WASF1: variants seen among roughly 807,000 people sequenced by gnomAD.
The protein encoded by WASF1 is actin-binding protein WASF1.
A neutral mutation model predicts 50.5 loss-of-function variants in WASF1; 7 were observed. That is an observed-to-expected ratio of 0.14 (90% CI 0.08 to 0.26). The LOEUF (loss-of-function observed/expected upper bound fraction) is 0.26. Ranked by LOEUF, WASF1 falls within the 10% of genes least tolerant of loss-of-function variation. WASF1 has a pLI of 1.00. For missense variants in WASF1, 470 were observed against 694.7 expected (o/e 0.68, Z 3.64); for synonymous variants, 205 against 244.0 (o/e 0.84, Z 1.49).
At chr6:110,115,862 C>T (rs781026197) in intron 4 of WASF1, among the ~76,000 whole-genome samples, 1 of 152,042 alleles carries the variant, frequency 6.6e-6, no homozygotes, top group Non-Finnish European at 1.5e-5. Context: ...TTTAACAGTG[C>T]CAGTCAAGGA....
Position 110,101,706 on chromosome 6 carries a change from T to C in WASF1, c.1404A>G (p.Pro468=). ...GTGATGGAGGAGATGGAGGCATTAA[T>C]GGAACATGGGGACCTGGGGCAGTAG... ...TPSTAPGPHV[P]LMPPSPPSQV... is the part of the protein sequence containing the mutation. The change falls in exon 10 of 11, where the codon CCA becomes CCG. Residue 468 remains proline (P), a synonymous_variant. Coordinates refer to ENST00000392589, the MANE Select transcript of WASF1 (RefSeq NM_003931.3). 6.2e-7 allele frequency: 1 copy of C among 1,614,112 alleles called. No homozygotes were observed. The highest frequency in any genetic ancestry group is 8.5e-7 in the Non-Finnish European group (1 of 1,180,004).
intron 3 of WASF1, among the ~76,000 whole-genome samples, chr6:110,159,265 T>C (rs1028642457): frequency 1.3e-5 from 2 of 151,876 alleles, no homozygotes; most frequent in African/African-American, 2.4e-5. Context: ...CACAGGTTAG[T>C]AGCTAGAGTC....
In WASF1 at chr6:110,103,422, T is replaced by C. The variant is rs780716041; in HGVS notation, c.849A>G (p.Pro283=). The C allele has an allele frequency of 3.1e-6, 5 of 1,613,996 alleles. No homozygotes were observed. In the East Asian group the frequency reaches 8.9e-5, roughly 29 times the overall value. ...GTTTTGCATCTCCTGCTCCATGCAT[T>C]GGTGGAGGTGGAGGTGGTTCATGTG... ...VRPHEPPPPP[P]MHGAGDAKPI... is the part of the protein sequence containing the mutation. Residue 283 remains proline (P), a synonymous_variant, in exon 9 of 11, where the codon CCA becomes CCG. Transcript: ENST00000392589.
At chr6:110,114,080 C>T (rs1282025741) in intron 4 of WASF1, among the ~76,000 whole-genome samples, 4 of 152,106 alleles carry the variant, frequency 2.6e-5, no homozygotes, top group African/African-American at 9.7e-5. Flanking sequence ...TATAGCCACC[C>T]TCTGTTGATA....
intron 4 of WASF1, among the ~76,000 whole-genome samples, chr6:110,122,496 C>T (rs903532115): frequency 1.2e-4 from 19 of 152,200 alleles, no homozygotes; most frequent in African/African-American, 4.6e-4. Context: ...GTGTGCCCAC[C>T]TCTACTACTT....
chr6:110,103,730 G>A (rs942986211), intron 8 of WASF1, among the ~76,000 whole-genome samples, 173 bp from the exon 9 acceptor site: 1 of 152,092 alleles, frequency 6.6e-6, no homozygotes, highest in Non-Finnish European at 1.5e-5. Context: ...AAAGAATGCT[G>A]CTCACAATAT....
intron 3 of WASF1, among the ~76,000 whole-genome samples, chr6:110,146,830 T>A (rs1775585702): frequency 6.6e-6 from 1 of 152,154 alleles, no homozygotes; most frequent in Non-Finnish European, 1.5e-5. Context: ...ATAAATTTCC[T>A]CTTTGTTGTG....
intron 4 of WASF1, among the ~76,000 whole-genome samples, chr6:110,116,926 C>A (rs544595200): frequency 4.1e-4 from 62 of 152,088 alleles, no homozygotes; most frequent in Non-Finnish European, 8.2e-4. Context: ...TCCAACAGAC[C>A]TGTAGCTGAG....
intron 3 of WASF1, among the ~76,000 whole-genome samples, chr6:110,131,305 T>C (rs1774657604): frequency 6.6e-6 from 1 of 152,222 alleles, no homozygotes. Context: ...GTAACTGATG[T>C]GGAATTAATT....
chr6:110,103,796 T>A (rs201576618), intron 8 of WASF1, among the ~76,000 whole-genome samples: 11,099 of 152,282 alleles, frequency 0.073, 540 homozygotes, highest in African/African-American at 0.14. Flanking sequence ...TATTTTATTA[T>A]TTTATAACAG....
chr6:110,107,053 CA>C (rs763073986), intron 7 of WASF1, 23 bp downstream of exon 7: 1 of 1,517,812 alleles, frequency 6.6e-7, no homozygotes, highest in African/African-American at 1.4e-5. Flanking sequence ...AAATTAACCT[CA>C]ATTTTTTAAT....
At chr6:110,140,303 G>GC (rs1445264495) in intron 3 of WASF1, among the ~76,000 whole-genome samples, 1 of 152,188 alleles carries the variant, frequency 6.6e-6, no homozygotes, top group Non-Finnish European at 1.5e-5. Flanking sequence ...GATGCTCTAT[G>GC]CCCCTTCCCC....
intron 2 of WASF1, among the ~76,000 whole-genome samples, chr6:110,168,729 A>C (rs966215240): frequency 1.3e-5 from 2 of 152,082 alleles, no homozygotes; most frequent in Non-Finnish European, 2.9e-5. Flanking sequence ...TCTACTACTA[A>C]GCACATCAAG....
intron 2 of WASF1, among the ~76,000 whole-genome samples, chr6:110,175,385 T>G (rs184023220): frequency 7.4e-4 from 112 of 152,202 alleles, no homozygotes; most frequent in African/African-American, 2.3e-3. Flanking sequence ...ATAACGCCTT[T>G]AAGAGACTAA....
At chr6:110,115,456 C>T (rs747630367) in intron 4 of WASF1, among the ~76,000 whole-genome samples, 1 of 152,112 alleles carries the variant, frequency 6.6e-6, no homozygotes, top group Non-Finnish European at 1.5e-5. Context: ...GTCCCATTGA[C>T]GCTTTGTCCC....
chr6:110,118,017 T>G (rs895557369), intron 4 of WASF1, among the ~76,000 whole-genome samples: 7 of 151,524 alleles, frequency 4.6e-5, no homozygotes, highest in African/African-American at 1.7e-4. Context: ...AAGGAAGCAC[T>G]AAACATGGAA....
chr6:110,120,189 A>C (rs1774029687), intron 4 of WASF1, among the ~76,000 whole-genome samples: 1 of 152,214 alleles, frequency 6.6e-6, no homozygotes, highest in African/African-American at 2.4e-5. Flanking sequence ...AGGCTAGAGC[A>C]ATCAGGCAAG....
intron 3 of WASF1, among the ~76,000 whole-genome samples, chr6:110,132,277 T>A (rs1386120425): frequency 6.6e-6 from 1 of 152,070 alleles, no homozygotes; most frequent in Non-Finnish European, 1.5e-5. Context: ...TACACAATCA[T>A]ATGTGAATAG....
intron 2 of WASF1, among the ~76,000 whole-genome samples, chr6:110,170,144 T>G (rs1776643510): frequency 6.6e-6 from 1 of 152,006 alleles, no homozygotes; most frequent in Non-Finnish European, 1.5e-5. Context: ...GAAGTATAAT[T>G]GATATGCTAA....
Sources: gnomAD v4.1 joint callset for allele counts (sites outside exome capture counted in the v4.1 genomes callset) on GRCh38, gnomAD v4.1.1 for gene constraint, MANE v1.5 for transcripts, NCBI Gene and HGNC (gene_info 2026-07-23, HGNC 2026-07-21) for gene names.